The following OPCML variants were observed in gnomAD, a reference collection of about 807,000 sequenced individuals.
The protein encoded by OPCML is opioid-binding protein/cell adhesion molecule.
OPCML carries 13 observed loss-of-function variants against 37.8 expected under a neutral mutation model. That is an observed-to-expected ratio of 0.34 (90% CI 0.22 to 0.55). The LOEUF (loss-of-function observed/expected upper bound fraction) is 0.55, where lower values mean the gene tolerates loss of function less well. Ranked by LOEUF, OPCML falls within the 20% of genes least tolerant of loss-of-function variation. OPCML has a pLI of 0.91. For missense variants in OPCML, 341 were observed against 435.6 expected, an observed-to-expected ratio of 0.78 and a Z score of 1.93; for synonymous variants, 176 against 168.8, an observed-to-expected ratio of 1.04 and a Z score of -0.33.
intron 1 of OPCML, among the ~76,000 whole-genome samples, chr11:133,455,093 G>T (rs1946649224): frequency 6.6e-6 from 1 of 152,046 alleles, no homozygotes; most frequent in Non-Finnish European, 1.5e-5. Flanking sequence ...ATTAATCGAA[G>T]CTCCAAGTTC....
intron 1 of OPCML, among the ~76,000 whole-genome samples, chr11:133,389,313 T>A (rs1945119895): frequency 6.6e-6 from 1 of 152,216 alleles, no homozygotes; most frequent in Non-Finnish European, 1.5e-5. Flanking sequence ...TGTTGAAACC[T>A]TCTCAAGGCT....
At chr11:132,862,754 C>A (rs556140601) in intron 2 of OPCML, among the ~76,000 whole-genome samples, 1 of 152,298 alleles carries the variant, frequency 6.6e-6, no homozygotes, top group South Asian at 2.1e-4. Context: ...TCCCTTGCCT[C>A]ATCACTGTGA....
chr11:132,619,885 G>A (rs1939297574), intron 3 of OPCML, among the ~76,000 whole-genome samples: 1 of 149,680 alleles, frequency 6.7e-6, no homozygotes, highest in South Asian at 2.1e-4. Flanking sequence ...CTAAAACAAT[G>A]GGAAAATATT....
Position 133,141,018 on chromosome 11 carries a change from C to A in OPCML, c.62-198008G>T, listed in dbSNP as rs1411521394. The stretch of plus-strand genomic sequence containing the variant: ...AAGAAGACGACGACGACGACGACGA[C>A]GACGACGACGACGACGACGACGACG... On this transcript the variant is annotated intron_variant, in intron 1 of 7. Transcript: ENST00000524381. 7.4e-3 allele frequency among the ~76,000 whole-genome samples: 82 copies of A among 11,018 alleles called. 24 individuals carry two copies. Among genetic ancestry groups the A allele is most frequent in the African/African-American group, 0.014 (77 of 5,468 alleles). 7.2% of individuals were successfully genotyped at this position (11,018 alleles called of 152,430 possible). A position where few individuals can be genotyped will look rare whatever the true frequency, so the allele number is the denominator to read the frequency against.
intron 2 of OPCML, among the ~76,000 whole-genome samples, chr11:132,907,096 A>T (rs1944267832): frequency 2.0e-5 from 3 of 152,152 alleles, no homozygotes; most frequent in African/African-American, 7.2e-5. Context: ...CAGCCCTCTA[A>T]CATATCGTAA....
intron 3 of OPCML, among the ~76,000 whole-genome samples, chr11:132,542,412 G>A (rs1565650745): frequency 6.6e-6 from 1 of 152,172 alleles, no homozygotes; most frequent in Non-Finnish European, 1.5e-5. Flanking sequence ...GAGGGGAAAT[G>A]TGGTTTCTTC....
At chr11:132,539,077 G>A (rs1399699376) in intron 3 of OPCML, among the ~76,000 whole-genome samples, 2 of 152,168 alleles carry the variant, frequency 1.3e-5, no homozygotes, top group Non-Finnish European at 2.9e-5. Context: ...TGAGCCAGAC[G>A]TTACATTGGA....
intron 4 of OPCML, among the ~76,000 whole-genome samples, chr11:132,437,924 T>C (rs979606764): frequency 6.6e-5 from 10 of 152,188 alleles, no homozygotes; most frequent in Non-Finnish European, 1.5e-4. Context: ...AGAGTGAGAA[T>C]GAATGAACGA....
At chr11:133,304,486 A>G (rs1942861754) in intron 1 of OPCML, among the ~76,000 whole-genome samples, 1 of 152,196 alleles carries the variant, frequency 6.6e-6, no homozygotes, top group African/African-American at 2.4e-5. Flanking sequence ...TGCCAGAGAA[A>G]GGATGCAATT....
At chr11:133,223,186 C>T (rs968901160) in intron 1 of OPCML, among the ~76,000 whole-genome samples, 4 of 152,180 alleles carry the variant, frequency 2.6e-5, no homozygotes, top group African/African-American at 9.7e-5. Context: ...ATTCAGTGGC[C>T]TAACCATTGT....
chr11:133,082,658 G>A (rs1342803713), intron 1 of OPCML, among the ~76,000 whole-genome samples: 4 of 53,924 alleles, frequency 7.4e-5, no homozygotes, highest in East Asian at 6.5e-4. Context: ...GAGTGGCACA[G>A]CCCTCGGCAC....
chr11:133,140,837 A>ACG, intron 1 of OPCML, among the ~76,000 whole-genome samples: 2 of 67,504 alleles, frequency 3.0e-5, no homozygotes, highest in African/African-American at 3.9e-5. Flanking sequence ...GACGACGAAG[A>ACG]AGACGACGAC....
intron 2 of OPCML, among the ~76,000 whole-genome samples, chr11:132,856,340 G>A (rs1420044009): frequency 6.6e-6 from 1 of 152,174 alleles, no homozygotes; most frequent in Non-Finnish European, 1.5e-5. Flanking sequence ...TAAACAAAAA[G>A]TTGAGAAACA....
In OPCML at chr11:133,212,946, A is replaced by G. The variant is rs978464684; in HGVS notation, c.62-269936T>C. On this transcript the variant is annotated intron_variant, in intron 1 of 7. Transcript: ENST00000524381. The surrounding 1 kb of genome is among the most constrained non-coding windows in gnomAD (Gnocchi z 4.9). ...GTCTGGTGGTACCTCAAAAGCTCCA[A>G]ACAATTATGTTGATGATACTGGGCT... Among the ~76,000 whole-genome samples the G allele has an allele frequency of 2.0e-5, 3 of 152,176 alleles. No individual in the cohort carries two copies. The highest frequency in any genetic ancestry group is 6.5e-5 in the Admixed American group (1 of 15,278).
chr11:132,810,122 T>C (rs1939255944), intron 2 of OPCML, among the ~76,000 whole-genome samples: 1 of 152,100 alleles, frequency 6.6e-6, no homozygotes, highest in Non-Finnish European at 1.5e-5. Context: ...GTGCTGGGAT[T>C]AGAGGCGTGA....
intron 4 of OPCML, among the ~76,000 whole-genome samples, chr11:132,469,657 T>C (rs1357765392): frequency 3.2e-5 from 4 of 125,200 alleles, no homozygotes; most frequent in African/African-American, 1.3e-4. Flanking sequence ...GGTGTATGTG[T>C]GTGGGGGTGT....
chr11:132,427,522 A>G (rs981694199), intron 7 of OPCML, among the ~76,000 whole-genome samples: 1 of 152,216 alleles, frequency 6.6e-6, no homozygotes, highest in Non-Finnish European at 1.5e-5. Flanking sequence ...AGATCAACCA[A>G]CGAGGCTCTG....
intron 2 of OPCML, among the ~76,000 whole-genome samples, chr11:132,760,083 T>TCAGTTTCTATGTAGTTGTG (rs1565840658): frequency 6.6e-6 from 1 of 152,200 alleles, no homozygotes; most frequent in Non-Finnish European, 1.5e-5. Flanking sequence ...AGCAGGTTGT[T>TCAGTTTCTATGTAGTTGTG]CAGTTTCTAT....
rs370620272 is a variant in OPCML, at chr11:132,678,205, AC to A, written c.147-20887del. On this transcript the variant is annotated intron_variant, in intron 2 of 7. Transcript: ENST00000524381. ...TTACAACAAGGAGATACCACTACACACCTATTAACCTGGCCAAAATCCAGAA... is the reference window on the plus strand; with the variant it reads ...TTACAACAAGGAGATACCACTACACACTATTAACCTGGCCAAAATCCAGAA... Among the ~76,000 whole-genome samples, 57 of 152,274 alleles carry A rather than the reference AC, an allele frequency of 3.7e-4. 1 individual carries two copies. In the East Asian group the frequency reaches 0.01, roughly 27 times the overall value.
Sources: gnomAD v4.1 joint callset for allele counts (sites outside exome capture counted in the v4.1 genomes callset) on GRCh38, gnomAD v4.1.1 for gene constraint, Gnocchi (gnomAD v3.1) non-coding constraint, MANE v1.5 for transcripts, NCBI Gene and HGNC (gene_info 2026-07-23, HGNC 2026-07-21) for gene names.